MRPS27: variants seen among roughly 807,000 people sequenced by gnomAD.
The protein encoded by MRPS27 is mitochondrial ribosomal protein S27.
A neutral mutation model predicts 48.9 loss-of-function variants in MRPS27; 43 were observed. The observed-to-expected ratio is 0.88, with a 90% CI of 0.69 to 1.13. The LOEUF is 1.13. MRPS27 is among the 50% of genes most tolerant of loss of function. The pLI is 0.00. For missense variants in MRPS27, 467 were observed against 476.3 expected (o/e 0.98, Z 0.18); for synonymous variants, 188 against 171.9 (o/e 1.09, Z -0.73).
chr5:72,222,371 T>G (rs1747770647), intron 10 of MRPS27: 1 of 152,194 alleles, frequency 6.6e-6, no homozygotes, highest in East Asian at 1.9e-4. Context: ...ATGAGAAAGG[T>G]AGTCTCTAGC....
At chr5:72,240,359 G>C (rs935150801) in intron 4 of MRPS27, among the ~76,000 whole-genome samples, 2 of 152,102 alleles carry the variant, frequency 1.3e-5, no homozygotes, top group African/African-American at 4.8e-5. Flanking sequence ...AAGGGTTTTT[G>C]GTAGTAGCAG....
intron 3 of MRPS27, among the ~76,000 whole-genome samples, chr5:72,297,102 G>A (rs765327952): frequency 1.3e-5 from 2 of 152,132 alleles, no homozygotes; most frequent in African/African-American, 4.8e-5. Context: ...TGCATAGGGA[G>A]CAGTGAGAAT....
At chr5:72,293,474 A>G (rs1177490194) in intron 4 of MRPS27, among the ~76,000 whole-genome samples, 1 of 152,200 alleles carries the variant, frequency 6.6e-6, no homozygotes, top group Non-Finnish European at 1.5e-5. Flanking sequence ...TATTTGATCT[A>G]TATGGAAATA....
At chr5:72,239,868 C>T (rs180723597) in intron 4 of MRPS27, among the ~76,000 whole-genome samples, 3 of 152,182 alleles carry the variant, frequency 2.0e-5, no homozygotes, top group African/African-American at 7.2e-5. Context: ...AACAGGATCT[C>T]GCTGTGTTGC....
chr5:72,277,361 G>C (rs1749404260), intron 4 of MRPS27, among the ~76,000 whole-genome samples: 1 of 152,096 alleles, frequency 6.6e-6, no homozygotes, highest in South Asian at 2.1e-4. Context: ...TCCTATTACT[G>C]AGTATATACC....
At position 72,232,569 on chromosome 5, in the gene MRPS27, A is replaced by C; in HGVS notation, c.476-11T>G. On this transcript the variant is annotated splice_polypyrimidine_tract_variant and intron_variant, in intron 6 of 10. Transcript: ENST00000261413. ...CCACAGATAAAGCATCTAGCAGAAGATGAAAGTAAAAAAGAGAGGAAATTA... is the reference window on the plus strand; with the variant it reads ...CCACAGATAAAGCATCTAGCAGAAGCTGAAAGTAAAAAAGAGAGGAAATTA... 6.3e-7 allele frequency: 1 copy of C among 1,576,848 alleles called. No individual in the cohort carries two copies. The highest frequency in any genetic ancestry group is 8.7e-7 in the Non-Finnish European group (1 of 1,148,998).
chr5:72,281,502 A>G (rs894507246), intron 4 of MRPS27, among the ~76,000 whole-genome samples: 2 of 152,190 alleles, frequency 1.3e-5, no homozygotes, highest in African/African-American at 4.8e-5. Context: ...GTAAAACAAA[A>G]TTTTATAGAT....
intron 4 of MRPS27, among the ~76,000 whole-genome samples, chr5:72,291,325 TA>T (rs1348391921): frequency 6.6e-6 from 1 of 152,216 alleles, no homozygotes; most frequent in Non-Finnish European, 1.5e-5. Context: ...GCAGGGTTCC[TA>T]ACAATTTTTT....
At chr5:72,286,629 G>A (rs575201168) in intron 4 of MRPS27, among the ~76,000 whole-genome samples, 3 of 152,112 alleles carry the variant, frequency 2.0e-5, no homozygotes, top group East Asian at 3.9e-4. Context: ...TTGCTCAACC[G>A]TTTTTAAAAT....
intron 1 of MRPS27, chr5:72,314,726 A>G (rs1194060006): frequency 1.3e-5 from 2 of 152,262 alleles, no homozygotes; most frequent in Admixed American, 6.5e-5. Context: ...TTTTGTTCCT[A>G]TAACTTTAAG....
intron 4 of MRPS27, among the ~76,000 whole-genome samples, chr5:72,264,589 A>T (rs1364463657): frequency 6.6e-6 from 1 of 152,184 alleles, no homozygotes; most frequent in African/African-American, 2.4e-5. Flanking sequence ...AATCCAATAC[A>T]ATTGACATCC....
intron 8 of MRPS27, chr5:72,227,400 G>C (rs985833119): frequency 6.6e-6 from 1 of 152,146 alleles, no homozygotes; most frequent in Non-Finnish European, 1.5e-5. Context: ...AAACTCTGAA[G>C]TTCCTGAGTT....
chr5:72,249,285 C>T (rs1164315833), intron 4 of MRPS27, among the ~76,000 whole-genome samples: 1 of 152,222 alleles, frequency 6.6e-6, no homozygotes, highest in African/African-American at 2.4e-5. Context: ...TGCATTTGAT[C>T]ATTTATCAAC....
intron 4 of MRPS27, among the ~76,000 whole-genome samples, chr5:72,272,536 A>T (rs1749274482): frequency 6.6e-6 from 1 of 152,212 alleles, no homozygotes; most frequent in Non-Finnish European, 1.5e-5. Flanking sequence ...GTGTTGTCAC[A>T]ATTCGATACT....
intron 5 of MRPS27, among the ~76,000 whole-genome samples, chr5:72,237,485 A>C (rs1246140084): frequency 6.6e-6 from 1 of 152,202 alleles, no homozygotes; most frequent in Non-Finnish European, 1.5e-5. Flanking sequence ...TTTATAGTTC[A>C]AACTAGTGTT....
At position 72,241,391 on chromosome 5, in the gene MRPS27, C is replaced by T. The variant is rs1748345930; in HGVS notation, c.282-3263G>A. 8 of 531,728 alleles carry T rather than the reference C, an allele frequency of 1.5e-5. No individual in the cohort carries two copies. In the South Asian group the frequency reaches 2.1e-4, roughly 14 times the overall value. 32.9% of individuals were successfully genotyped at this position (531,728 alleles called of 1,614,324 possible). The stretch of plus-strand genomic sequence containing the variant: ...AAATATGCTGCCCAAAATGCAATTC[C>T]TGAATTTCCCAGCCAGGAAGCAAAT... On this transcript the variant is annotated intron_variant, in intron 4 of 10. Coordinates refer to ENST00000261413, the MANE Select transcript of MRPS27 (RefSeq NM_015084.3).
At chr5:72,234,648 C>T (rs1326916549) in intron 5 of MRPS27, among the ~76,000 whole-genome samples, 1 of 151,982 alleles carries the variant, frequency 6.6e-6, no homozygotes, top group Non-Finnish European at 1.5e-5. Context: ...AAGAAATATG[C>T]CAAGAAATAT....
intron 10 of MRPS27, among the ~76,000 whole-genome samples, chr5:72,223,101 G>C (rs748982058): frequency 1.3e-5 from 2 of 152,206 alleles, no homozygotes; most frequent in Non-Finnish European, 2.9e-5. Flanking sequence ...ACTGATCACA[G>C]AGCATTTTGG....
chr5:72,259,628 C>T (rs1748912554), intron 4 of MRPS27, among the ~76,000 whole-genome samples: 1 of 152,032 alleles, frequency 6.6e-6, no homozygotes, highest in African/African-American at 2.4e-5. Flanking sequence ...ATAAAAATCA[C>T]TTGGATTCTC....
Sources: allele counts gnomAD v4.1 joint callset (sites outside exome capture counted in the v4.1 genomes callset), GRCh38; gene constraint gnomAD v4.1.1; transcripts MANE v1.5; gene names NCBI Gene and HGNC (gene_info 2026-07-23, HGNC 2026-07-21).